The following TTC27 variants were observed in gnomAD, a reference collection of about 807,000 sequenced individuals.
TTC27 encodes tetratricopeptide repeat protein 27.
A neutral mutation model predicts 115.9 loss-of-function variants in TTC27; 79 were observed. That is an observed-to-expected ratio of 0.68 (90% CI 0.57 to 0.82). The LOEUF (loss-of-function observed/expected upper bound fraction) is 0.82. Among genes scored for constraint, TTC27 ranks in the 40% least tolerant of loss-of-function variants. The pLI is 0.00. For synonymous variants in TTC27, 401 were observed against 356.0 expected, an observed-to-expected ratio of 1.13 and a Z score of -1.42; for missense variants, 1,054 against 993.1, an observed-to-expected ratio of 1.06 and a Z score of -0.82.
chr2:32,634,838 C>G (rs6714633), intron 3 of TTC27, among the ~76,000 whole-genome samples: 63,020 of 150,702 alleles, frequency 0.42, 13,201 homozygotes, highest in Middle Eastern at 0.43. Flanking sequence ...TGTATTTTTA[C>G]TAGATGTGGG....
At chr2:32,755,084 C>G (rs1460468755) in intron 12 of TTC27, among the ~76,000 whole-genome samples, 1 of 151,822 alleles carries the variant, frequency 6.6e-6, no homozygotes, top group Non-Finnish European at 1.5e-5. Flanking sequence ...CAGAGACGCT[C>G]CTCACTTCCT....
chr2:32,636,447 CAG>C (rs1386858650), intron 3 of TTC27, among the ~76,000 whole-genome samples: 1 of 152,180 alleles, frequency 6.6e-6, no homozygotes, highest in Non-Finnish European at 1.5e-5. Context: ...CTCCTGACCT[CAG>C]GTGATCCACC....
chr2:32,735,281 G>A lies in TTC27; in HGVS notation c.1329+1358G>A, dbSNP rs538968400. On this transcript the variant is annotated intron_variant, in intron 11 of 19. Coordinates refer to ENST00000317907, the MANE Select transcript of TTC27 (RefSeq NM_017735.5). ...AAGGAATAGCTTCTTCATCAAGAAT[G>A]TGTTAACAGCTGGAATTTTTTAGTG... 2.9e-4 allele frequency among the ~76,000 whole-genome samples: 44 copies of A among 152,294 alleles called. 1 individual carries two copies. The highest frequency in any genetic ancestry group is 2.7e-3 in the South Asian group (13 of 4,820).
chr2:32,812,567 AT>A lies in TTC27; in HGVS notation c.2262del (p.Thr755HisfsTer11). ...CCAGTCCAATTGTTGGGAGAAAGAT[AT>A]TACATCATTTAAGGAAGTTGTTCAA... Reference protein sequence around the residue: ...DTQSNCWEKDITSFKEVVQRA... With the variant: ...DTQSNCWEKDXTSFKEVVQRA... On this transcript the variant is annotated frameshift_variant, in exon 18 of 20. Transcript: ENST00000317907. LOFTEE classifies it high-confidence loss of function. The A allele has an allele frequency of 6.2e-7, 1 of 1,614,148 alleles. No individual in the cohort carries two copies. The highest frequency in any genetic ancestry group is 8.5e-7 in the Non-Finnish European group (1 of 1,179,966).
chr2:32,701,165 A>G (rs1347758552), intron 9 of TTC27, among the ~76,000 whole-genome samples: 1 of 152,172 alleles, frequency 6.6e-6, no homozygotes, highest in African/African-American at 2.4e-5. Flanking sequence ...AGGGCCCAGT[A>G]TACACTGCCA....
At chr2:32,646,891 C>T (rs193218433) in intron 4 of TTC27, among the ~76,000 whole-genome samples, 1 of 151,872 alleles carries the variant, frequency 6.6e-6, no homozygotes, top group Admixed American at 6.6e-5. Context: ...TTCCCTCCCC[C>T]ATATAAAGAT....
chr2:32,758,360 T>A lies in TTC27; in HGVS notation c.1521T>A (p.Asp507Glu), dbSNP rs750002526. Residue 507 changes from aspartate to glutamate, a missense_variant, in exon 13 of 20, where the codon GAT (aspartate) becomes GAA (glutamate). Transcript: ENST00000317907. Reference protein sequence around the residue: ...ETPSLYCLLGDVLGDHSCYDK... With the variant: ...ETPSLYCLLGEVLGDHSCYDK... ...CTAGTTTATACTGCTTGCTTGGAGA[T>A]GTCCTCGGAGACCATTCTTGCTATG... 1.9e-6 allele frequency: 3 copies of A among 1,614,210 alleles called. No individual in the cohort carries two copies. The highest frequency in any genetic ancestry group is 1.1e-5 in the South Asian group (1 of 91,086).
intron 5 of TTC27, among the ~76,000 whole-genome samples, chr2:32,662,859 T>G (rs1455781241): frequency 1.3e-5 from 2 of 152,172 alleles, no homozygotes; most frequent in Non-Finnish European, 2.9e-5. Context: ...GTTCTTTCAA[T>G]TGTGATGTTA....
chr2:32,731,534 C>G (rs551290912), intron 10 of TTC27, among the ~76,000 whole-genome samples: 3 of 152,108 alleles, frequency 2.0e-5, no homozygotes, highest in African/African-American at 7.2e-5. Context: ...TGCCACCAAC[C>G]CTGGCTATTT....
chr2:32,740,985 G>T (rs1187470471), intron 12 of TTC27, among the ~76,000 whole-genome samples: 1 of 152,126 alleles, frequency 6.6e-6, no homozygotes, highest in Non-Finnish European at 1.5e-5. Flanking sequence ...TGTTTCCATT[G>T]CCAACTGCAT....
chr2:32,694,528 G>GATCC (rs1180315005), intron 9 of TTC27, among the ~76,000 whole-genome samples: 5 of 151,934 alleles, frequency 3.3e-5, no homozygotes, highest in Non-Finnish European at 7.4e-5. Context: ...AACATTGTAA[G>GATCC]ATCCATCTCT....
chr2:32,695,431 A>G (rs1400822719), intron 9 of TTC27, among the ~76,000 whole-genome samples: 4 of 152,068 alleles, frequency 2.6e-5, no homozygotes, highest in South Asian at 2.1e-4. Flanking sequence ...TAAAAATATA[A>G]AAAATTAGGC....
rs146067012 is a variant in TTC27 at position 32,815,566 on chromosome 2, ATC to A, written c.2309-1888_2309-1887del. On this transcript the variant is annotated intron_variant, in intron 18 of 19. Coordinates refer to ENST00000317907, the MANE Select transcript of TTC27 (RefSeq NM_017735.5). ...TCTCTCCCTCTAGCTGTCTGTCTCT[ATC>A]TCAGTCTATAATGCCTTTTGGAAAT... 3.8e-3 allele frequency among the ~76,000 whole-genome samples: 572 copies of A among 152,266 alleles called. 5 individuals are homozygous for A. The highest frequency in any genetic ancestry group is 0.013 in the African/African-American group (536 of 41,546).
intron 3 of TTC27, among the ~76,000 whole-genome samples, chr2:32,639,473 T>A (rs1392524277): frequency 6.6e-6 from 1 of 152,162 alleles, no homozygotes; most frequent in African/African-American, 2.4e-5. Flanking sequence ...TGAGACCTTG[T>A]TGATTGTTTG....
In TTC27 at chr2:32,812,621, T is replaced by C. The variant is rs1671355452; in HGVS notation, c.2308+6T>C. ...AGCCTTAGGACTTGCACATGGTATT[T>C]GATGTAACATTTGATATCCATGGAA... On this transcript the variant is annotated splice_donor_region_variant and intron_variant, in intron 18 of 19. Coordinates refer to ENST00000317907, the MANE Select transcript of TTC27 (RefSeq NM_017735.5). The C allele has an allele frequency of 1.3e-6, 2 of 1,594,476 alleles. No individual in the cohort carries two copies. The highest frequency in any genetic ancestry group is 1.3e-5 in the African/African-American group (1 of 74,588).
rs114881953 is a variant in TTC27 at position 32,778,658 on chromosome 2, G to A, written c.1779+678G>A. On this transcript the variant is annotated intron_variant, in intron 14 of 19. Coordinates refer to ENST00000317907, the MANE Select transcript of TTC27 (RefSeq NM_017735.5). Reference sequence around the variant, plus strand: ...TTTTCAAGATTCATGCATGGTTATAGCATGCTTCAGTACTTTGTTCCTTTT... The same window carrying A: ...TTTTCAAGATTCATGCATGGTTATAACATGCTTCAGTACTTTGTTCCTTTT... Among the ~76,000 whole-genome samples, 694 of 152,272 alleles carry A rather than the reference G, an allele frequency of 4.6e-3. 7 individuals are homozygous for A. Among genetic ancestry groups the A allele is most frequent in the African/African-American group, 0.016 (656 of 41,554 alleles).
intron 19 of TTC27, 41 bp downstream of exon 19, chr2:32,817,598 A>G (rs376307946): frequency 2.0e-5 from 30 of 1,537,110 alleles, no homozygotes; most frequent in Middle Eastern, 1.7e-4. Flanking sequence ...GTCATATAGA[A>G]AAAGGTCATT....
chr2:32,775,390 G>A (rs1368696414), intron 13 of TTC27, among the ~76,000 whole-genome samples: 1 of 152,016 alleles, frequency 6.6e-6, no homozygotes, highest in Non-Finnish European at 1.5e-5. Context: ...AGTAGAGATG[G>A]GGTTTCACCG....
At position 32,736,478 on chromosome 2, in the gene TTC27, G is replaced by A. The variant is rs540919672; in HGVS notation, c.1330-216G>A. ...ATTTAGCATTTTCAACAAAAAAATT[G>A]TTCTTTAATTCCTTATACCCTATAA... is the stretch of plus-strand genomic sequence containing the variant. On this transcript the variant is annotated intron_variant, in intron 11 of 19. Transcript: ENST00000317907. Among the ~76,000 whole-genome samples the A allele has an allele frequency of 1.6e-4, 24 of 152,194 alleles. 1 individual carries two copies. Among genetic ancestry groups the A allele is most frequent in the Middle Eastern group, 3.4e-3 (1 of 294 alleles).
Sources: allele counts gnomAD v4.1 joint callset (sites outside exome capture counted in the v4.1 genomes callset), GRCh38; gene constraint gnomAD v4.1.1; transcripts MANE v1.5; gene names NCBI Gene and HGNC (gene_info 2026-07-23, HGNC 2026-07-21).